The following MICB variants were observed in gnomAD, a reference collection of about 807,000 sequenced individuals.
The protein encoded by MICB is MHC class I polypeptide-related sequence B, also known as MHC class I antigen-related protein B.
MICB carries 27 observed loss-of-function variants against 34.3 expected under a neutral mutation model. That is an observed-to-expected ratio of 0.79 (90% CI 0.58 to 1.08). The LOEUF (loss-of-function observed/expected upper bound fraction) is 1.08. MICB is among the 50% of genes least tolerant of loss of function. The pLI, the probability that MICB is intolerant of heterozygous loss-of-function variation, is 0.00. For missense variants in MICB, 426 were observed against 483.1 expected, an observed-to-expected ratio of 0.88 and a Z score of 1.11; for synonymous variants, 153 against 187.4, an observed-to-expected ratio of 0.82 and a Z score of 1.50.
chr6:31,510,256 G>A lies in MICB; in HGVS notation c.*347G>A, dbSNP rs1366318972. ...GGAGTTATCTACTGGGTCATCTAGA[G>A]CCTATTGTTTGAGGAATGCAGTCTT... On this transcript the variant is annotated 3_prime_UTR_variant, in exon 6 of 6. Transcript: ENST00000252229. 5.4e-6 allele frequency: 1 copy of A among 186,524 alleles called. No homozygotes were observed. Among genetic ancestry groups the A allele is most frequent in the East Asian group, 1.3e-4 (1 of 7,558 alleles). 11.6% of individuals were successfully genotyped at this position (186,524 alleles called of 1,614,324 possible). A position where few individuals can be genotyped will look rare whatever the true frequency, so the allele number is the denominator to read the frequency against.
chr6:31,504,232 G>T (rs1765159840), intron 1 of MICB, among the ~76,000 whole-genome samples: 1 of 143,526 alleles, frequency 7.0e-6, no homozygotes. Flanking sequence ...TGCATATTCT[G>T]GAAACTAATC....
chr6:31,496,371 T>C (rs557641417), upstream of MICB, among the ~76,000 whole-genome samples: 27 of 145,720 alleles, frequency 1.9e-4, no homozygotes, highest in Admixed American at 8.8e-4. Context: ...TTTTTCTTTT[T>C]TTTTTTTTTT....
chr6:31,501,813 C>T (rs1204360707), intron 1 of MICB, among the ~76,000 whole-genome samples: 5 of 152,126 alleles, frequency 3.3e-5, no homozygotes, highest in African/African-American at 9.7e-5. Context: ...ATGCCACTAC[C>T]GTGCTGTTTT....
intron 1 of MICB, among the ~76,000 whole-genome samples, chr6:31,499,406 T>C (rs1764894459): frequency 6.6e-6 from 1 of 152,018 alleles, no homozygotes; most frequent in Non-Finnish European, 1.5e-5. Flanking sequence ...GTCCTCTGCC[T>C]TCATCCCCCG....
In MICB at chr6:31,507,878, G is replaced by T. The variant is rs9380260; in HGVS notation, c.1024+347G>T. 1.3e-5 allele frequency among the ~76,000 whole-genome samples: 2 copies of T among 151,980 alleles called. No individual in the cohort carries two copies. The highest frequency in any genetic ancestry group is 6.6e-5 in the Admixed American group (1 of 15,256). On this transcript the variant is annotated intron_variant, in intron 5 of 5. Coordinates refer to ENST00000252229, the MANE Select transcript of MICB (RefSeq NM_005931.5). The surrounding 1 kb of genome is among the most constrained non-coding windows in gnomAD (Gnocchi z 6.0). ...CCAGGTGGGGTGAGTTGGGAATCAC[G>T]TGCTGATTGCTGAGGGCCTGGATGA...
intron 1 of MICB, among the ~76,000 whole-genome samples, chr6:31,501,546 C>T (rs2855807): frequency 0.65 from 99,365 of 152,026 alleles, 32,625 homozygotes; most frequent in East Asian, 0.73. Context: ...TGTTTTCTTT[C>T]ATAGTTTTCA....
At chr6:31,500,492 C>T (rs558244863) in intron 1 of MICB, among the ~76,000 whole-genome samples, 1 of 152,218 alleles carries the variant, frequency 6.6e-6, no homozygotes, top group South Asian at 2.1e-4. Context: ...TTTAAATGTA[C>T]AATAAATTAT....
intron 1 of MICB, among the ~76,000 whole-genome samples, chr6:31,500,205 T>A (rs1260041131): frequency 6.6e-6 from 1 of 151,988 alleles, no homozygotes; most frequent in African/African-American, 2.4e-5. Flanking sequence ...CCAGCATTAC[T>A]CCTTTTGGCA....
upstream of MICB, among the ~76,000 whole-genome samples, chr6:31,495,981 G>T (rs1764632218): frequency 6.6e-6 from 1 of 152,246 alleles, no homozygotes; most frequent in Admixed American, 6.5e-5. Flanking sequence ...TAGATCAGTA[G>T]TTCTAAAACT....
intron 5 of MICB, 24 bp from the exon 6 acceptor site, chr6:31,509,758 T>G: frequency 6.3e-7 from 1 of 1,594,934 alleles, no homozygotes; most frequent in Non-Finnish European, 8.5e-7. Context: ...CAGTGGAGCA[T>G]TTACCCGTTT....
upstream of MICB, chr6:31,498,125 G>A (rs1258984360): frequency 4.5e-6 from 6 of 1,343,658 alleles, no homozygotes; most frequent in Admixed American, 8.6e-5. Context: ...AAATTTCGAC[G>A]GGGTCTTCTC....
rs34795056 is a variant in MICB, at chr6:31,507,986, G to A, written c.1024+455G>A. Among the ~76,000 whole-genome samples, 2,408 of 152,218 alleles carry A rather than the reference G, an allele frequency of 0.016. 22 individuals carry two copies. Among genetic ancestry groups the A allele is most frequent in the South Asian group, 0.033 (157 of 4,824 alleles). On this transcript the variant is annotated intron_variant, in intron 5 of 5. Transcript: ENST00000252229. This position sits in a 1 kb window ranked among gnomAD's most constrained non-coding sequence, Gnocchi z 6.0. ...ACTGGAGAGGAATCCAAGGAGAGGC[G>A]ATGCCCACCCGTGTGCCTCCTCCAG... is the stretch of plus-strand genomic sequence containing the variant.
At position 31,507,043 on chromosome 6, in the gene MICB, C is replaced by T. The variant is rs41293883; in HGVS notation, c.635C>T (p.Thr212Ile). The T allele has an allele frequency of 0.039, 62,576 of 1,613,706 alleles. 1,431 individuals are homozygous for T. The highest frequency in any genetic ancestry group is 0.057 in the South Asian group (5,161 of 91,042). The change falls in exon 4 of 6, where the codon ACC becomes ATC. Residue 212 changes from threonine to isoleucine, a missense_variant. Physicochemically the swap from Thr to Ile is moderately conservative, Grantham distance 89. Coordinates refer to ENST00000252229, the MANE Select transcript of MICB (RefSeq NM_005931.5). This position sits in a 1 kb window ranked among gnomAD's most constrained non-coding sequence, Gnocchi z 6.0. ...CCAGTGCCCCCCATGGTGAATGTCA[C>T]CTGCAGCGAGGTCTCAGAGGGCAAC... is the stretch of plus-strand genomic sequence containing the variant. ...RRTVPPMVNV[T>I]CSEVSEGNIT...
Position 31,509,674 on chromosome 6 carries a change from A to G in MICB, c.1025-108A>G. 3.6e-6 allele frequency: 5 copies of G among 1,381,826 alleles called. No individual in the cohort carries two copies. In the South Asian group the frequency reaches 8.4e-5, roughly 23 times the overall value. The allele number at this position is 1,381,826 out of a possible 1,614,324, so 85.6% of individuals were successfully genotyped here. On this transcript the variant is annotated intron_variant, in intron 5 of 5. Transcript: ENST00000252229. The stretch of plus-strand genomic sequence containing the variant: ...AAAAGTGGGGGCCTCATCTTCTCTC[A>G]GAGAAAGGGCGAATCTGATTTTGGG...
chr6:31,498,338 CG>C, intron 1 of MICB, 75 bp downstream of exon 1: 1 of 1,270,084 alleles, frequency 7.9e-7, no homozygotes, highest in Non-Finnish European at 1.1e-6. Context: ...TGGGTTGCCG[CG>C]AGCGCTGTGC....
upstream of MICB, chr6:31,496,718 T>A (rs1167453537): frequency 6.8e-6 from 1 of 146,996 alleles, no homozygotes; most frequent in Non-Finnish European, 1.5e-5. Flanking sequence ...ACAGTGGGAG[T>A]GAAGATGAAA....
Position 31,510,226 on chromosome 6 carries a change from T to G in MICB, c.*317T>G. On this transcript the variant is annotated 3_prime_UTR_variant, in exon 6 of 6. Transcript: ENST00000252229. ...GCTGAGGGCATTCACTCCATGGTGC[T>G]CATTGGAGTTATCTACTGGGTCATC... 1 of 241,708 alleles carries G rather than the reference T, an allele frequency of 4.1e-6. No homozygotes were observed. Among genetic ancestry groups the G allele is most frequent in the South Asian group, 1.2e-4 (1 of 8,470 alleles). 15.0% of individuals were successfully genotyped at this position (241,708 alleles called of 1,614,324 possible).
At chr6:31,497,178 C>T (rs3828910), upstream of MICB, among the ~76,000 whole-genome samples, 51,321 of 151,784 alleles carry the variant, frequency 0.34, 8,816 homozygotes, top group East Asian at 0.46. Flanking sequence ...ATTGAAATAG[C>T]GTTGAAGGAG....
rs778025188 is a variant in MICB at position 31,505,821 on chromosome 6, A to G, written c.275A>G (p.Asn92Ser). 6.2e-7 allele frequency: 1 copy of G among 1,613,018 alleles called. No individual in the cohort carries two copies. Among genetic ancestry groups the G allele is most frequent in the South Asian group, 1.1e-5 (1 of 91,032 alleles). ...ACAGAGACCGAGGACTTGACAGAGAATGGGCAAGACCTCAGGAGGACCCTG... is the reference window on the plus strand; with the variant it reads ...ACAGAGACCGAGGACTTGACAGAGAGTGGGCAAGACCTCAGGAGGACCCTG... ...WDTETEDLTENGQDLRRTLTH... is the reference protein window; with the variant it reads ...WDTETEDLTESGQDLRRTLTH... Residue 92 changes from asparagine (N) to serine (S), a missense_variant, in exon 2 of 6, where the codon AAT becomes AGT. Coordinates refer to ENST00000252229, the MANE Select transcript of MICB (RefSeq NM_005931.5).
Sources: gnomAD v4.1 joint callset for allele counts (sites outside exome capture counted in the v4.1 genomes callset) on GRCh38, gnomAD v4.1.1 for gene constraint, Gnocchi (gnomAD v3.1) non-coding constraint, MANE v1.5 for transcripts, NCBI Gene and HGNC (gene_info 2026-07-23, HGNC 2026-07-21) for gene names.